TIAM1: variants seen among roughly 807,000 people sequenced by gnomAD.
TIAM1 encodes the protein TIAM Rac1 associated GEF 1, also known as rho guanine nucleotide exchange factor TIAM1.
In TIAM1, 65 loss-of-function variants were observed where a neutral mutation model predicts 163.5. That is an observed-to-expected ratio of 0.40 (90% confidence interval 0.33 to 0.49). TIAM1 has a LOEUF of 0.49. Among genes scored for constraint, TIAM1 ranks in the 20% least tolerant of loss-of-function variants. The pLI is 0.77. For missense variants in TIAM1, 1,789 were observed against 2,044.7 expected (o/e 0.87, Z 2.41); for synonymous variants, 833 against 810.1 (o/e 1.03, Z -0.48).
intron 2 of TIAM1, among the ~76,000 whole-genome samples, chr21:31,277,489 A>G (rs2073349454): frequency 6.6e-6 from 1 of 152,194 alleles, no homozygotes; most frequent in Admixed American, 6.5e-5. Flanking sequence ...TTACTAAAAT[A>G]CAAAAATTAC....
intron 13 of TIAM1, among the ~76,000 whole-genome samples, chr21:31,188,570 T>A (rs1359091221): frequency 3.9e-5 from 6 of 152,110 alleles, no homozygotes; most frequent in African/African-American, 1.4e-4. Flanking sequence ...TGAGACCAAT[T>A]TTTTTGTTTG....
At chr21:31,180,984 A>C (rs2084986315) in intron 15 of TIAM1, among the ~76,000 whole-genome samples, 1 of 152,266 alleles carries the variant, frequency 6.6e-6, no homozygotes, top group Non-Finnish European at 1.5e-5. Context: ...TCAGAAAATG[A>C]TTTGAAAAAC....
chr21:31,514,334 C>G (rs1350043426), intron 1 of TIAM1, among the ~76,000 whole-genome samples: 1 of 151,962 alleles, frequency 6.6e-6, no homozygotes, highest in Admixed American at 6.6e-5. Context: ...TTCTAGGGTT[C>G]TAAAGATTAG....
At chr21:31,314,198 A>T (rs555826979) in intron 2 of TIAM1, among the ~76,000 whole-genome samples, 18 of 152,362 alleles carry the variant, frequency 1.2e-4, no homozygotes, top group African/African-American at 4.3e-4. Context: ...AGTCTCCCAC[A>T]TGAAATGGTT....
At chr21:31,165,204 C>G (rs1233704312) in intron 15 of TIAM1, 139 bp from the exon 16 acceptor site, 24 of 632,274 alleles carry the variant, frequency 3.8e-5, no homozygotes, top group Non-Finnish European at 6.0e-5. Context: ...AGCTCCATCA[C>G]CTGGGCTCAA....
chr21:31,511,132 CCT>C (rs1400144620), intron 1 of TIAM1, among the ~76,000 whole-genome samples: 1 of 152,154 alleles, frequency 6.6e-6, no homozygotes, highest in East Asian at 1.9e-4. Context: ...CCGCGGGCAC[CCT>C]GAGTCTGGGC....
intron 1 of TIAM1, among the ~76,000 whole-genome samples, chr21:31,466,738 C>G (rs1453200155): frequency 6.6e-6 from 1 of 152,192 alleles, no homozygotes; most frequent in African/African-American, 2.4e-5. Flanking sequence ...ATAACACCTT[C>G]TAGTTTCTCC....
intron 1 of TIAM1, among the ~76,000 whole-genome samples, chr21:31,552,270 T>C (rs1569429181): frequency 6.6e-6 from 1 of 151,978 alleles, no homozygotes; most frequent in African/African-American, 2.4e-5. Flanking sequence ...CACATTATTT[T>C]TACAATCAAA....
intron 9 of TIAM1, among the ~76,000 whole-genome samples, chr21:31,215,568 G>GGA (rs1213274170): frequency 5.3e-5 from 4 of 75,546 alleles, no homozygotes; most frequent in Non-Finnish European, 8.6e-5. Context: ...TCTCAAAAAA[G>GGA]AAAAAAAAAA....
intron 24 of TIAM1, among the ~76,000 whole-genome samples, chr21:31,130,617 T>C (rs1200945462): frequency 6.6e-6 from 1 of 152,126 alleles, no homozygotes; most frequent in African/African-American, 2.4e-5. Context: ...AAAGTAGCGT[T>C]AGGAAGGTTC....
chr21:31,249,726 C>T (rs979169368), intron 5 of TIAM1, among the ~76,000 whole-genome samples: 3 of 152,146 alleles, frequency 2.0e-5, no homozygotes, highest in African/African-American at 7.2e-5. Context: ...GCCCCTCAGA[C>T]ATAACCCTGT....
intron 2 of TIAM1, among the ~76,000 whole-genome samples, chr21:31,393,708 T>C (rs2077005887): frequency 6.6e-6 from 1 of 152,144 alleles, no homozygotes; most frequent in African/African-American, 2.4e-5. Context: ...AGAGTGTCTG[T>C]TTGAATGTGG....
At chr21:31,544,592 C>A (rs2048428109) in intron 1 of TIAM1, among the ~76,000 whole-genome samples, 1 of 151,902 alleles carries the variant, frequency 6.6e-6, no homozygotes, top group Admixed American at 6.6e-5. Context: ...CACGCCATTG[C>A]ACTCCAGCCT....
chr21:31,439,560 C>T (rs1602282246), intron 2 of TIAM1, among the ~76,000 whole-genome samples: 1 of 152,144 alleles, frequency 6.6e-6, no homozygotes, highest in Non-Finnish European at 1.5e-5. Context: ...AAAGTGCTGG[C>T]ATTACAGGCA....
At chr21:31,355,941 G>T (rs563608896) in intron 2 of TIAM1, among the ~76,000 whole-genome samples, 2 of 152,130 alleles carry the variant, frequency 1.3e-5, no homozygotes, top group Non-Finnish European at 2.9e-5. Flanking sequence ...AGCCCCACAA[G>T]AGCAGGCACT....
intron 15 of TIAM1, 125 bp downstream of exon 15, chr21:31,182,296 C>G (rs1307708353): frequency 1.3e-6 from 1 of 766,932 alleles, no homozygotes; most frequent in East Asian, 3.0e-5. Context: ...GCCCATCTTG[C>G]ACACACATTT....
At chr21:31,123,237 G>A (rs1235641947) in intron 27 of TIAM1, among the ~76,000 whole-genome samples, 1 of 152,158 alleles carries the variant, frequency 6.6e-6, no homozygotes, top group Non-Finnish European at 1.5e-5. Context: ...ACTGAAACAG[G>A]TTGAGTTCCC....
rs1235597408 is a variant in TIAM1, at chr21:31,182,786, G to A, written c.2663-141C>T. 17 of 800,702 alleles carry A rather than the reference G, an allele frequency of 2.1e-5. No homozygotes were observed. In the Admixed American group the frequency reaches 4.7e-4, roughly 22 times the overall value. The allele number at this position is 800,702 out of a possible 1,614,324, so 49.6% of individuals were successfully genotyped here. A position where few individuals can be genotyped will look rare whatever the true frequency, so the allele number is the denominator to read the frequency against. The stretch of plus-strand genomic sequence containing the variant: ...TGCAGACAGGCTGCGGTGCTCGGGA[G>A]TGATCCTCAGGAGAGGACAGGGGCC... On this transcript the variant is annotated intron_variant, in intron 14 of 27. Coordinates refer to ENST00000541036, the MANE Select transcript of TIAM1 (RefSeq NM_001353694.2).
At chr21:31,529,066 C>G (rs1382919960) in intron 1 of TIAM1, among the ~76,000 whole-genome samples, 1 of 151,254 alleles carries the variant, frequency 6.6e-6, no homozygotes, top group Non-Finnish European at 1.5e-5. Flanking sequence ...GGACTACAGG[C>G]GCCCACCATG....
Sources: allele counts gnomAD v4.1 joint callset (sites outside exome capture counted in the v4.1 genomes callset), GRCh38; gene constraint gnomAD v4.1.1; transcripts MANE v1.5; gene names NCBI Gene and HGNC (gene_info 2026-07-23, HGNC 2026-07-21).